The following HNRNPUL1 variants were observed in gnomAD, a reference collection of about 807,000 sequenced individuals.
HNRNPUL1 encodes heterogeneous nuclear ribonucleoprotein U-like protein 1.
Under a neutral mutation model 108.5 loss-of-function variants are expected in HNRNPUL1, and 14 were observed. The observed-to-expected ratio is 0.13, with a 90% CI of 0.09 to 0.20. The LOEUF (loss-of-function observed/expected upper bound fraction) is 0.20. Among genes scored for constraint, HNRNPUL1 ranks in the 10% least tolerant of loss-of-function variants. HNRNPUL1 has a pLI of 1.00. For synonymous variants in HNRNPUL1, 422 were observed against 445.2 expected, an observed-to-expected ratio of 0.95 and a Z score of 0.66; for missense variants, 804 against 1,168.3, an observed-to-expected ratio of 0.69 and a Z score of 4.55.
intron 11 of HNRNPUL1, among the ~76,000 whole-genome samples, chr19:41,302,176 G>A (rs1338077339): frequency 6.6e-6 from 1 of 151,398 alleles, no homozygotes; most frequent in Non-Finnish European, 1.5e-5. Flanking sequence ...AGCAGGCTGA[G>A]GGGTTGGGGC....
intron 7 of HNRNPUL1, among the ~76,000 whole-genome samples, chr19:41,282,949 C>G (rs1168844887): frequency 6.6e-6 from 1 of 152,082 alleles, no homozygotes. Context: ...CCGCCTCGGC[C>G]TCCCAAAGTG....
chr19:41,276,424 A>G (rs1273836511), intron 5 of HNRNPUL1, 126 bp downstream of exon 5: 1 of 1,052,058 alleles, frequency 9.5e-7, no homozygotes, highest in Non-Finnish European at 1.3e-6. Flanking sequence ...ATGTCCAAGC[A>G]GACAAAACTG....
At chr19:41,287,028 C>T (rs2122733432) in intron 7 of HNRNPUL1, among the ~76,000 whole-genome samples, 1 of 150,714 alleles carries the variant, frequency 6.6e-6, no homozygotes, top group South Asian at 2.1e-4. Flanking sequence ...GGTGTGTACC[C>T]TTTTTGAGAC....
chr19:41,301,891 G>T, intron 11 of HNRNPUL1, 187 bp downstream of exon 11: 2 of 606,556 alleles, frequency 3.3e-6, no homozygotes, highest in Non-Finnish European at 5.5e-6. Context: ...TCTGTCTTAT[G>T]TTGGGGTTTT....
intron 7 of HNRNPUL1, among the ~76,000 whole-genome samples, chr19:41,281,656 A>G (rs551154237): frequency 6.6e-6 from 1 of 152,214 alleles, no homozygotes; most frequent in Non-Finnish European, 1.5e-5. Flanking sequence ...TGTTGGCATC[A>G]TCTTATCCCA....
At chr19:41,269,789 G>A (rs2035103491) in intron 2 of HNRNPUL1, among the ~76,000 whole-genome samples, 1 of 152,130 alleles carries the variant, frequency 6.6e-6, no homozygotes, top group South Asian at 2.1e-4. Flanking sequence ...GCGACAGGAA[G>A]ACCTTGCCTT....
intron 7 of HNRNPUL1, among the ~76,000 whole-genome samples, chr19:41,287,852 G>C (rs1171025495): frequency 6.6e-6 from 1 of 152,032 alleles, no homozygotes; most frequent in Admixed American, 6.6e-5. Flanking sequence ...CAGCCACTGC[G>C]CCCGGCCCTC....
chr19:41,277,913 C>T (rs1302381923), intron 5 of HNRNPUL1, among the ~76,000 whole-genome samples: 2 of 150,758 alleles, frequency 1.3e-5, no homozygotes, highest in Middle Eastern at 3.2e-3. Context: ...TACGGATATT[C>T]GGCAGTCTAG....
Position 41,301,549 on chromosome 19 carries a change from G to T in HNRNPUL1, c.1532G>T (p.Gly511Val), listed in dbSNP as rs773958162. The change falls in exon 11 of 15, where the codon GGG becomes GTG. Residue 511 changes from glycine (G) to valine (V), a missense_variant. This residue lies in a region of HNRNPUL1 where 80 missense variants were observed against 221.8 expected (regional missense o/e 0.36). Coordinates refer to ENST00000392006, the MANE Select transcript of HNRNPUL1 (RefSeq NM_007040.6). ...NYILDQTNVY[G>V]SAQRRKMRPF... ...CCTTACCCTTAGACAAATGTTTATGGGTCAGCCCAGAGACGAAAAATGAGA... is the reference window on the plus strand; with the variant it reads ...CCTTACCCTTAGACAAATGTTTATGTGTCAGCCCAGAGACGAAAAATGAGA... The T allele has an allele frequency of 6.2e-7, 1 of 1,612,630 alleles. No individual in the cohort carries two copies. The highest frequency in any genetic ancestry group is 8.5e-7 in the Non-Finnish European group (1 of 1,179,540).
At chr19:41,263,883 G>C (rs1051302147), upstream of HNRNPUL1, among the ~76,000 whole-genome samples, 1 of 152,266 alleles carries the variant, frequency 6.6e-6, no homozygotes, top group Non-Finnish European at 1.5e-5. Flanking sequence ...GTTTCTTAAA[G>C]GCAACAGGAA....
At chr19:41,263,362 A>C (rs1049666008), upstream of HNRNPUL1, among the ~76,000 whole-genome samples, 4 of 152,232 alleles carry the variant, frequency 2.6e-5, no homozygotes, top group Admixed American at 1.3e-4. Context: ...TACAGACGCC[A>C]GACAGCCCGA....
intron 11 of HNRNPUL1, among the ~76,000 whole-genome samples, chr19:41,302,239 G>A (rs992081805): frequency 1.3e-5 from 1 of 78,152 alleles, no homozygotes; most frequent in Non-Finnish European, 2.5e-5. Context: ...TTTTTTTGGA[G>A]AGGGAGTCTT....
At chr19:41,302,338 C>T in intron 11 of HNRNPUL1, 1 of 368,356 alleles carries the variant, frequency 2.7e-6, no homozygotes, top group South Asian at 2.1e-5. Flanking sequence ...CCTGCCTCAG[C>T]CTCCCGAGTA....
At chr19:41,301,460 C>A in intron 10 of HNRNPUL1, 76 bp from the exon 11 acceptor site, 1 of 1,266,888 alleles carries the variant, frequency 7.9e-7, no homozygotes, top group Non-Finnish European at 1.1e-6. Flanking sequence ...AGTCCCTGGC[C>A]TACATAATAC....
chr19:41,290,651 G>C (rs2036526290), intron 7 of HNRNPUL1, among the ~76,000 whole-genome samples: 1 of 152,208 alleles, frequency 6.6e-6, no homozygotes, highest in Admixed American at 6.5e-5. Flanking sequence ...AACATAGGCT[G>C]TATAAAATAT....
At position 41,268,398 on chromosome 19, in the gene HNRNPUL1, C is replaced by T. The variant is rs927239840; in HGVS notation, c.418+53C>T. On this transcript the variant is annotated intron_variant, in intron 2 of 14. Coordinates refer to ENST00000392006, the MANE Select transcript of HNRNPUL1 (RefSeq NM_007040.6). ...TTGGATGGAAACAATCTACATGGAG[C>T]CTTTACCCCCTGCTTAGAGCGGGTC... The T allele has an allele frequency of 2.5e-5, 40 of 1,577,346 alleles. No homozygotes were observed. The East Asian group carries it at 2.7e-4, about 11-fold the overall frequency.
chr19:41,285,897 A>G (rs1001898759), intron 7 of HNRNPUL1, among the ~76,000 whole-genome samples: 2 of 152,144 alleles, frequency 1.3e-5, no homozygotes, highest in East Asian at 3.9e-4. Context: ...GGCTGAGCGC[A>G]GTGGCTCACG....
intron 1 of HNRNPUL1, chr19:41,265,255 T>C (rs1433522595): frequency 4.0e-6 from 6 of 1,502,276 alleles, no homozygotes; most frequent in Non-Finnish European, 3.5e-6. Flanking sequence ...GGGGAAGGAA[T>C]GTCCAGGTGT....
chr19:41,273,244 G>A (rs970310024), intron 3 of HNRNPUL1, among the ~76,000 whole-genome samples: 1 of 152,020 alleles, frequency 6.6e-6, no homozygotes, highest in Non-Finnish European at 1.5e-5. Context: ...CTGGCCTGGC[G>A]AGGCCAGAGG....
Sources: gnomAD v4.1 joint callset for allele counts (sites outside exome capture counted in the v4.1 genomes callset) on GRCh38, gnomAD v4.1.1 for gene constraint, gnomAD v4.1.1 regional missense constraint, MANE v1.5 for transcripts, NCBI Gene and HGNC (gene_info 2026-07-23, HGNC 2026-07-21) for gene names.